Variants in NRL observed in about 807,000 individuals in gnomAD.
The protein encoded by NRL is neural retina-specific leucine zipper protein.
A neutral mutation model predicts 12.5 loss-of-function variants in NRL; 16 were observed. That is an observed-to-expected ratio of 1.28 (90% CI 0.87 to 1.95). The LOEUF (loss-of-function observed/expected upper bound fraction) is 1.95. Ranked by LOEUF, NRL falls within the 30% of genes most tolerant of loss-of-function variation. The pLI, the probability that NRL is intolerant of heterozygous loss-of-function variation, is 0.00. For missense variants in NRL, 314 were observed against 325.8 expected, an observed-to-expected ratio of 0.96 and a Z score of 0.28; for synonymous variants, 142 against 150.9, an observed-to-expected ratio of 0.94 and a Z score of 0.43.
At chr14:24,082,010 C>T (rs1490237720) in intron 2 of NRL, 4 of 1,203,568 alleles carry the variant, frequency 3.3e-6, no homozygotes, top group Non-Finnish European at 4.2e-6. Flanking sequence ...GCCCGCAACA[C>T]CCCCATCTGT....
intron 1 of NRL, chr14:24,098,476 C>A (rs747137349): frequency 3.7e-6 from 6 of 1,614,002 alleles, no homozygotes; most frequent in Non-Finnish European, 5.1e-6. Context: ...CCTCCACAGG[C>A]CGCACCATGT....
chr14:24,081,844 C>A lies in NRL; in HGVS notation c.382-276G>T. The A allele has an allele frequency of 7.1e-7, 1 of 1,399,734 alleles. No homozygotes were observed. Among genetic ancestry groups the A allele is most frequent in the Non-Finnish European group, 9.3e-7 (1 of 1,077,328 alleles). 86.7% of individuals were successfully genotyped at this position (1,399,734 alleles called of 1,614,324 possible). On this transcript the variant is annotated intron_variant, in intron 2 of 2. Transcript: ENST00000561028. The surrounding 1 kb of genome is among the most constrained non-coding windows in gnomAD (Gnocchi z 4.4). The stretch of plus-strand genomic sequence containing the variant: ...GCGAGCCCGTCGCGCACCTAAACCC[C>A]GGGCTCGTCTCTGGGATCCCCGGCA...
intron 1 of NRL, among the ~76,000 whole-genome samples, chr14:24,104,957 T>C (rs554636862): frequency 2.6e-5 from 4 of 152,288 alleles, no homozygotes; most frequent in Admixed American, 2.0e-4. Flanking sequence ...AACCCAGCAG[T>C]GCTAGAGGAA....
rs1050446816 is a variant in NRL, at chr14:24,081,656, G to A, written c.382-88C>T. 1.5e-5 allele frequency: 23 copies of A among 1,534,448 alleles called. No homozygotes were observed. The African/African-American group carries it at 1.8e-4, about 12-fold the overall frequency. ...CCCGACGCTACCTGGCTCCGCCCCG[G>A]GACAGCCCCGCCCCGGCTCCCACCT... is the stretch of plus-strand genomic sequence containing the variant. On this transcript the variant is annotated intron_variant, in intron 2 of 2. Transcript: ENST00000561028. The surrounding 1 kb of genome is among the most constrained non-coding windows in gnomAD (Gnocchi z 4.4).
rs369798445 is a variant in NRL at position 24,080,451 on chromosome 14, G to GACC, written c.*782_*784dup. On this transcript the variant is annotated 3_prime_UTR_variant, in exon 3 of 3. Coordinates refer to ENST00000561028, the MANE Select transcript of NRL (RefSeq NM_001354768.3). ...GATTGTCTTGGGGACTTCTTGGGGA[G>GACC]ACCACCGGGACTTCCATACTGGGGA... is the stretch of plus-strand genomic sequence containing the variant. The GACC allele has an allele frequency of 1.9e-4, 29 of 152,690 alleles. No homozygotes were observed. Among genetic ancestry groups the GACC allele is most frequent in the African/African-American group, 6.7e-4 (28 of 41,590 alleles). The allele number at this position is 152,690 out of a possible 1,614,324, so 9.5% of individuals were successfully genotyped here. A position where few individuals can be genotyped will look rare whatever the true frequency, so the allele number is the denominator to read the frequency against.
At chr14:24,103,143 G>A (rs558675327) in intron 1 of NRL, 5 of 1,596,670 alleles carry the variant, frequency 3.1e-6, no homozygotes, top group Non-Finnish European at 4.3e-6. Flanking sequence ...CTGTGACTCT[G>A]TTCATTGGTG....
At chr14:24,099,969 T>A (rs2037090186) in intron 1 of NRL, 1 of 1,614,070 alleles carries the variant, frequency 6.2e-7, no homozygotes, top group Non-Finnish European at 8.5e-7. Flanking sequence ...TGTTTGGTCC[T>A]TCCTTTCTTT....
chr14:24,099,648 C>T (rs781084380), intron 1 of NRL: 10 of 1,613,812 alleles, frequency 6.2e-6, no homozygotes, highest in East Asian at 4.5e-5. Context: ...GGCTATGATG[C>T]GGCCTGCACT....
chr14:24,106,353 T>C (rs1319582308), intron 1 of NRL, among the ~76,000 whole-genome samples: 5 of 152,192 alleles, frequency 3.3e-5, no homozygotes, highest in Admixed American at 2.6e-4. Context: ...TCATAGGAAA[T>C]GCCAGTGACC....
rs1233772792 is a variant in NRL at position 24,079,329 on chromosome 14, T to C, written c.*1907A>G. 6.6e-6 allele frequency among the ~76,000 whole-genome samples: 1 copy of C among 152,134 alleles called. No homozygotes were observed. The highest frequency in any genetic ancestry group is 1.5e-5 in the Non-Finnish European group (1 of 68,024). On this transcript the variant is annotated 3_prime_UTR_variant, in exon 3 of 3. Transcript: ENST00000561028. ...GGCAAGGATAGACACAGGTGAAATT[T>C]AGAGTGAGAGAAAAAGAGCTGGGCT...
chr14:24,103,932 G>C (rs767241329), intron 1 of NRL: 1 of 1,613,916 alleles, frequency 6.2e-7, no homozygotes, highest in African/African-American at 1.3e-5. Flanking sequence ...GGCTGAGCTT[G>C]AGGCCCTGGA....
intron 1 of NRL, chr14:24,099,799 C>T (rs1566578297): frequency 6.6e-7 from 1 of 1,524,464 alleles, no homozygotes; most frequent in Non-Finnish European, 9.1e-7. Context: ...TTCACAATGA[C>T]TTTGTCAGTG....
rs182608089 is a variant in NRL at position 24,079,144 on chromosome 14, G to A, written c.*2092C>T. On this transcript the variant is annotated 3_prime_UTR_variant, in exon 3 of 3. Coordinates refer to ENST00000561028, the MANE Select transcript of NRL (RefSeq NM_001354768.3). ...ACTTTGTTTTTTTAAGTATACTCAG[G>A]TAACCCAGGAGTATCATTTTGAGAC... Among the ~76,000 whole-genome samples, 52 of 152,136 alleles carry A rather than the reference G, an allele frequency of 3.4e-4. 1 individual carries two copies. In the Middle Eastern group the frequency reaches 0.01, roughly 30 times the overall value.
At position 24,094,246 on chromosome 14, in the gene NRL, C is replaced by A; in HGVS notation, c.-27-11371G>T. ...CGGGGCGGAGGAAAGCTAGTGCCAG[C>A]CCTACCAGGTTCCGCCCCCGCGCCT... is the stretch of plus-strand genomic sequence containing the variant. On this transcript the variant is annotated intron_variant, in intron 1 of 2. Transcript: ENST00000561028. The surrounding 1 kb of genome is among the most constrained non-coding windows in gnomAD (Gnocchi z 4.1). 2 of 674,182 alleles carry A rather than the reference C, an allele frequency of 3.0e-6. No individual in the cohort carries two copies. The highest frequency in any genetic ancestry group is 5.0e-6 in the Non-Finnish European group (2 of 400,792). The allele number at this position is 674,182 out of a possible 1,614,324, so 41.8% of individuals were successfully genotyped here.
chr14:24,111,743 C>T (rs900562078), intron 1 of NRL, among the ~76,000 whole-genome samples: 1 of 151,456 alleles, frequency 6.6e-6, no homozygotes, highest in Non-Finnish European at 1.5e-5. Context: ...TGGGCTGAGA[C>T]GATGGGGTTT....
intron 1 of NRL, among the ~76,000 whole-genome samples, chr14:24,105,904 C>G (rs2037331270): frequency 6.6e-6 from 1 of 151,634 alleles, no homozygotes; most frequent in African/African-American, 2.4e-5. Context: ...GACTCTGTCT[C>G]AAAAAAATAA....
intron 1 of NRL, among the ~76,000 whole-genome samples, chr14:24,092,594 T>C (rs746321728): frequency 6.6e-6 from 1 of 152,156 alleles, no homozygotes; most frequent in Non-Finnish European, 1.5e-5. Context: ...TTTGGATCTA[T>C]GAACTGGGGG....
At chr14:24,097,521 G>A (rs1451447824) in intron 1 of NRL, among the ~76,000 whole-genome samples, 2 of 150,908 alleles carry the variant, frequency 1.3e-5, no homozygotes, top group African/African-American at 2.4e-5. Context: ...CCAAGATCGC[G>A]TCATTGCACT....
intron 2 of NRL, chr14:24,082,156 C>A (rs909483980): frequency 1.3e-6 from 1 of 789,788 alleles, no homozygotes; most frequent in African/African-American, 1.9e-5. Flanking sequence ...CTGGTTTCCA[C>A]ACACCATGTA....
Sources: gnomAD v4.1 joint callset for allele counts (sites outside exome capture counted in the v4.1 genomes callset) on GRCh38, gnomAD v4.1.1 for gene constraint, Gnocchi (gnomAD v3.1) non-coding constraint, MANE v1.5 for transcripts, NCBI Gene and HGNC (gene_info 2026-07-23, HGNC 2026-07-21) for gene names.